Variants in PLAT observed in about 807,000 individuals in gnomAD.
The protein encoded by PLAT is tissue-type plasminogen activator.
A neutral mutation model predicts 74.9 loss-of-function variants in PLAT; 48 were observed. That is an observed-to-expected ratio of 0.64 (90% confidence interval 0.51 to 0.82). The LOEUF (loss-of-function observed/expected upper bound fraction) is 0.82. Among genes scored for constraint, PLAT ranks in the 40% least tolerant of loss-of-function variants. The pLI, the probability that PLAT is intolerant of heterozygous loss-of-function variation, is 0.00. For synonymous variants in PLAT, 307 were observed against 294.4 expected, an observed-to-expected ratio of 1.04 and a Z score of -0.44; for missense variants, 673 against 736.2, an observed-to-expected ratio of 0.91 and a Z score of 0.99.
chr8:42,201,766 C>T (rs1046557769), intron 1 of PLAT, among the ~76,000 whole-genome samples: 3 of 152,212 alleles, frequency 2.0e-5, no homozygotes, highest in African/African-American at 7.2e-5. Flanking sequence ...TGAGATGACA[C>T]AGCTGAGACA....
At position 42,189,070 on chromosome 8, in the gene PLAT, C is replaced by G; in HGVS notation, c.117G>C (p.Val39=). The change falls in exon 4 of 14, where the codon GTG becomes GTC. Residue 39 remains valine (V), a splice_region_variant and synonymous_variant. Coordinates refer to ENST00000220809, the MANE Select transcript of PLAT (RefSeq NM_000930.5). ...RFRRGARSYQ[V]ICRDEKTQMI... is the part of the protein sequence containing the mutation. ...TCTGCGTTTTTTCATCTCTGCAGATCACTATGAGAAAAGACAGGCCAGCCT... is the reference window on the plus strand; with the variant it reads ...TCTGCGTTTTTTCATCTCTGCAGATGACTATGAGAAAAGACAGGCCAGCCT... 6.2e-7 allele frequency: 1 copy of G among 1,612,808 alleles called. No individual in the cohort carries two copies. The highest frequency in any genetic ancestry group is 8.5e-7 in the Non-Finnish European group (1 of 1,178,918).
At position 42,182,062 on chromosome 8, in the gene PLAT, T is replaced by G. The variant is rs749395091; in HGVS notation, c.804-40A>C. 3.8e-6 allele frequency: 5 copies of G among 1,326,306 alleles called. No individual in the cohort carries two copies. In the African/African-American group the frequency reaches 7.3e-5, roughly 19 times the overall value. The allele number at this position is 1,326,306 out of a possible 1,614,324, so 82.2% of individuals were successfully genotyped here. A position where few individuals can be genotyped will look rare whatever the true frequency, so the allele number is the denominator to read the frequency against. On this transcript the variant is annotated intron_variant, in intron 8 of 13. Coordinates refer to ENST00000220809, the MANE Select transcript of PLAT (RefSeq NM_000930.5). Reference sequence around the variant, plus strand: ...AGTTTAAGGTTTCCTTTTTATCTTCTTATTTTTTAATTTTTGTAGAGATGG... The same window carrying G: ...AGTTTAAGGTTTCCTTTTTATCTTCGTATTTTTTAATTTTTGTAGAGATGG...
chr8:42,178,314 A>T (rs1403948062), intron 13 of PLAT, among the ~76,000 whole-genome samples: 1 of 128,036 alleles, frequency 7.8e-6, no homozygotes, highest in African/African-American at 3.1e-5. Flanking sequence ...CTTGTTGCCC[A>T]GGCTGAAGCG....
rs146917237 is a variant in PLAT at position 42,182,808 on chromosome 8, C to T, written c.714G>A (p.Pro238=). 2.9e-5 allele frequency: 47 copies of T among 1,613,636 alleles called. No individual in the cohort carries two copies. Among genetic ancestry groups the T allele is most frequent in the African/African-American group, 2.7e-4 (20 of 75,026 alleles). ...TGCCTATCAGGATCATGGAATTCCA[C>T]GGGAGGCAGGAGGCACCCGACTCGG... ...SLTESGASCL[P]WNSMILIGKV... The change falls in exon 8 of 14, where the codon CCG becomes CCA. Residue 238 remains proline (P), a synonymous_variant. Coordinates refer to ENST00000220809, the MANE Select transcript of PLAT (RefSeq NM_000930.5).
At position 42,193,129 on chromosome 8, in the gene PLAT, G is replaced by C; in HGVS notation, c.57C>G (p.Phe19Leu). Residue 19 changes from phenylalanine to leucine, a missense_variant, in exon 2 of 14, where the codon TTC (phenylalanine) becomes TTG (leucine). Coordinates refer to ENST00000220809, the MANE Select transcript of PLAT (RefSeq NM_000930.5). Reference sequence around the variant, plus strand: ...GCACACCAACCTGGCTGGGCGAAACGAAGACTGCTCCACACAGCAGCAGCA... The same window carrying C: ...GCACACCAACCTGGCTGGGCGAAACCAAGACTGCTCCACACAGCAGCAGCA... ...CCVLLLCGAVFVSPSQEIHAR... is the reference protein window; with the variant it reads ...CCVLLLCGAVLVSPSQEIHAR... 2 of 1,613,348 alleles carry C rather than the reference G, an allele frequency of 1.2e-6. No individual in the cohort carries two copies. The highest frequency in any genetic ancestry group is 1.7e-6 in the Non-Finnish European group (2 of 1,179,366).
At chr8:42,204,005 A>T (rs1806240987) in intron 1 of PLAT, among the ~76,000 whole-genome samples, 1 of 142,386 alleles carries the variant, frequency 7.0e-6, no homozygotes, top group Non-Finnish European at 1.5e-5. Context: ...ACACACACAC[A>T]CACACACACA....
At chr8:42,203,969 TTATATATA>T (rs373313453) in intron 1 of PLAT, among the ~76,000 whole-genome samples, 3 of 105,100 alleles carry the variant, frequency 2.9e-5, no homozygotes, top group Admixed American at 9.2e-5. Flanking sequence ...TGTCTCTAAA[TTATATATA>T]TATATATATA....
chr8:42,197,230 G>C (rs1044087817), intron 1 of PLAT, among the ~76,000 whole-genome samples: 12 of 152,204 alleles, frequency 7.9e-5, no homozygotes, highest in African/African-American at 2.9e-4. Context: ...CTGTGTGTAG[G>C]ACACAGCCAG....
rs1180239328 is a variant in PLAT, at chr8:42,181,934, T to C, written c.889+3A>G. 5 of 1,592,128 alleles carry C rather than the reference T, an allele frequency of 3.1e-6. No homozygotes were observed. The Admixed American group carries it at 8.3e-5, about 27-fold the overall frequency. On this transcript the variant is annotated splice_donor_region_variant and intron_variant, in intron 9 of 13. Transcript: ENST00000220809. ...AGGGAGGCAGCCGGGGCCCAGCCCT[T>C]ACAGCAGGAGGGCACATCACAGTAC...
intron 1 of PLAT, among the ~76,000 whole-genome samples, chr8:42,206,470 ACC>A (rs1806342648): frequency 6.6e-6 from 1 of 152,172 alleles, no homozygotes; most frequent in Admixed American, 6.5e-5. Flanking sequence ...AGGGGACTCC[ACC>A]TGACAATGGT....
At chr8:42,190,765 C>T (rs1039942884) in intron 3 of PLAT, among the ~76,000 whole-genome samples, 6 of 152,228 alleles carry the variant, frequency 3.9e-5, no homozygotes, top group African/African-American at 1.4e-4. Flanking sequence ...GAAGCTGGGC[C>T]TCGCATTCCT....
chr8:42,178,420 G>A (rs2129690513), intron 13 of PLAT, among the ~76,000 whole-genome samples: 1 of 152,192 alleles, frequency 6.6e-6, no homozygotes, highest in Admixed American at 6.5e-5. Context: ...ACAGGCATGT[G>A]CCACCATGCC....
chr8:42,188,913 C>A, intron 4 of PLAT, 21 bp downstream of exon 4: 1 of 1,601,688 alleles, frequency 6.2e-7, no homozygotes, highest in Non-Finnish European at 8.5e-7. Flanking sequence ...GCATGCACCA[C>A]CTCCCAGCCT....
At chr8:42,207,369 T>C (rs1167711121) in intron 1 of PLAT, 125 bp downstream of exon 1, 1 of 152,262 alleles carries the variant, frequency 6.6e-6, no homozygotes, top group African/African-American at 2.4e-5. Context: ...TAGCGGATCC[T>C]CTAGTTGCCT....
chr8:42,182,463 G>A, intron 8 of PLAT: 1 of 350,456 alleles, frequency 2.9e-6, no homozygotes, highest in Non-Finnish European at 5.2e-6. Context: ...CAATAAAGAT[G>A]TCAGGAGAAC....
intron 1 of PLAT, among the ~76,000 whole-genome samples, chr8:42,204,254 G>T (rs1249110054): frequency 6.6e-6 from 1 of 151,866 alleles, no homozygotes; most frequent in African/African-American, 2.4e-5. Context: ...CTAGGACGAG[G>T]TTTATAGCCT....
chr8:42,180,041 C>G lies in PLAT; in HGVS notation c.1248G>C (p.Ser416=), dbSNP rs754261914. Residue 416 remains serine, a synonymous_variant, in exon 12 of 14, where the codon TCG becomes TCC. Transcript: ENST00000220809. ...DIALLQLKSD[S]SRCAQESSVV... ...CGCTGCTCTCCTGGGCACAGCGGGA[C>G]GAATCCGATTTCAGCTGCAGCAGCG... 3.1e-6 allele frequency: 5 copies of G among 1,608,664 alleles called. No homozygotes were observed. The highest frequency in any genetic ancestry group is 2.7e-5 in the African/African-American group (2 of 74,814).
chr8:42,193,636 G>C (rs4736829), intron 1 of PLAT: 95,738 of 157,640 alleles, frequency 0.61, 29,514 homozygotes, highest in East Asian at 0.69. Context: ...GAAGTGGAAT[G>C]AGACAGTGTT....
chr8:42,203,505 T>C (rs1806211386), intron 1 of PLAT, among the ~76,000 whole-genome samples: 1 of 152,218 alleles, frequency 6.6e-6, no homozygotes, highest in South Asian at 2.1e-4. Flanking sequence ...AAAATGTTTC[T>C]AAAACACTTG....
Sources: allele counts gnomAD v4.1 joint callset (sites outside exome capture counted in the v4.1 genomes callset), GRCh38; gene constraint gnomAD v4.1.1; transcripts MANE v1.5; gene names NCBI Gene and HGNC (gene_info 2026-07-23, HGNC 2026-07-21).